Variants in C21orf58 observed in about 807,000 individuals in gnomAD.
C21orf58 encodes the protein chromosome 21 open reading frame 58.
C21orf58 carries 34 observed loss-of-function variants against 35.8 expected under a neutral mutation model. That is an observed-to-expected ratio of 0.95 (90% CI 0.72 to 1.26). The LOEUF (loss-of-function observed/expected upper bound fraction) is 1.26. Ranked by LOEUF, C21orf58 falls within the 50% of genes most tolerant of loss-of-function variation. The pLI is 0.00. For synonymous variants in C21orf58, 191 were observed against 175.8 expected (o/e 1.09, Z -0.68); for missense variants, 440 against 414.3 (o/e 1.06, Z -0.54).
rs568406662 is a variant in C21orf58 at position 46,301,574 on chromosome 21, T to C, written c.*425A>G. ...GGCTAAAGCTATTGATCTTTTCTGT[T>C]CTGGCTCCTGAGCTGAGATTTTCTT... On this transcript the variant is annotated 3_prime_UTR_variant, in exon 8 of 8. Coordinates refer to ENST00000291691, the MANE Select transcript of C21orf58 (RefSeq NM_058180.5). 1 of 995,622 alleles carries C rather than the reference T, an allele frequency of 1.0e-6. No individual in the cohort carries two copies. Among genetic ancestry groups the C allele is most frequent in the South Asian group, 4.7e-5 (1 of 21,406 alleles). The allele number at this position is 995,622 out of a possible 1,614,324, so 61.7% of individuals were successfully genotyped here.
chr21:46,320,070 A>G (rs1176151150), intron 1 of C21orf58, among the ~76,000 whole-genome samples: 3 of 152,088 alleles, frequency 2.0e-5, no homozygotes, highest in Non-Finnish European at 4.4e-5. Flanking sequence ...CACCCTTGAT[A>G]TAAGTGACCT....
chr21:46,307,235 C>T (rs1057380037), intron 6 of C21orf58, among the ~76,000 whole-genome samples: 21 of 152,146 alleles, frequency 1.4e-4, no homozygotes, highest in African/African-American at 4.8e-4. Context: ...TGGTCTCAAG[C>T]TCCTAGGCTC....
intron 4 of C21orf58, 127 bp downstream of exon 4, chr21:46,315,347 C>A: frequency 3.0e-6 from 2 of 676,868 alleles, no homozygotes; most frequent in South Asian, 3.4e-5. Context: ...AGTGTCCTTG[C>A]TGGGGCCTGG....
intron 1 of C21orf58, chr21:46,318,966 GGA>G: frequency 5.5e-6 from 3 of 547,504 alleles, no homozygotes; most frequent in Non-Finnish European, 7.0e-6. Flanking sequence ...CCAGACCTGT[GGA>G]CCCGAGGGGC....
chr21:46,312,909 C>T (rs549767167), intron 5 of C21orf58: 3 of 752,796 alleles, frequency 4.0e-6, no homozygotes, highest in African/African-American at 3.8e-5. Context: ...ATATAGAACA[C>T]GTCATGAAAA....
chr21:46,314,130 A>AGTTTTTTTTTTTT (rs1555930174), intron 5 of C21orf58, among the ~76,000 whole-genome samples: 8 of 52,202 alleles, frequency 1.5e-4, no homozygotes, highest in Non-Finnish European at 3.6e-4. Flanking sequence ...GGCATGATAA[A>AGTTTTTTTTTTTT]GTTTTTTTTT....
intron 6 of C21orf58, among the ~76,000 whole-genome samples, chr21:46,310,405 G>A (rs1356371866): frequency 2.0e-5 from 3 of 151,662 alleles, no homozygotes; most frequent in Non-Finnish European, 2.9e-5. Context: ...CTTGAACCCA[G>A]GAGGTGGAGG....
At chr21:46,308,596 C>T (rs891453817) in intron 6 of C21orf58, among the ~76,000 whole-genome samples, 1 of 152,148 alleles carries the variant, frequency 6.6e-6, no homozygotes, top group Non-Finnish European at 1.5e-5. Flanking sequence ...TAAGCGAAAA[C>T]AAGAAGCAAC....
At position 46,317,199 on chromosome 21, in the gene C21orf58, G is replaced by A. The variant is rs760007702; in HGVS notation, c.370+9C>T. 1.9e-6 allele frequency: 3 copies of A among 1,609,240 alleles called. No homozygotes were observed. Among genetic ancestry groups the A allele is most frequent in the Non-Finnish European group, 2.5e-6 (3 of 1,179,004 alleles). On this transcript the variant is annotated intron_variant, in intron 3 of 7. Transcript: ENST00000291691. Reference sequence around the variant, plus strand: ...CTGTGCTGGTTCCAAGCAGCCCAGGGGCTCTCACCTGGCTCGAGGTGGAGG... The same window carrying A: ...CTGTGCTGGTTCCAAGCAGCCCAGGAGCTCTCACCTGGCTCGAGGTGGAGG...
chr21:46,303,188 T>G (rs2082204890), intron 6 of C21orf58, among the ~76,000 whole-genome samples: 1 of 151,062 alleles, frequency 6.6e-6, no homozygotes, highest in Non-Finnish European at 1.5e-5. Flanking sequence ...AATTAAAACA[T>G]CTAAGCCAGT....
rs1174799678 is a variant in C21orf58 at position 46,321,940 on chromosome 21, G to A, written c.100+699C>T. 3.2e-5 allele frequency among the ~76,000 whole-genome samples: 4 copies of A among 124,738 alleles called. 1 individual carries two copies. Among genetic ancestry groups the A allele is most frequent in the African/African-American group, 3.2e-5 (1 of 31,624 alleles). 81.8% of individuals were successfully genotyped at this position (124,738 alleles called of 152,430 possible). A position where few individuals can be genotyped will look rare whatever the true frequency, so the allele number is the denominator to read the frequency against. ...TTTTTTTGAGTTAGGGTCTCAGTCT[G>A]TCACCCAGGTTGGAGTGCAGTGGTT... On this transcript the variant is annotated intron_variant, in intron 1 of 7. Coordinates refer to ENST00000291691, the MANE Select transcript of C21orf58 (RefSeq NM_058180.5).
chr21:46,312,733 A>C (rs922175721), intron 5 of C21orf58, among the ~76,000 whole-genome samples: 1 of 152,138 alleles, frequency 6.6e-6, no homozygotes, highest in East Asian at 1.9e-4. Context: ...AGTGGCTTTA[A>C]TTTGCATTTC....
chr21:46,303,745 ATTTTTTTTTTT>A (rs869177693), intron 6 of C21orf58, among the ~76,000 whole-genome samples: 35 of 23,810 alleles, frequency 1.5e-3, no homozygotes, highest in African/African-American at 5.0e-3. Context: ...ATATATATAT[ATTTTTTTTTTT>A]TTTTTTTTTT....
At chr21:46,310,838 A>C (rs1211944195) in intron 6 of C21orf58, among the ~76,000 whole-genome samples, 1 of 151,244 alleles carries the variant, frequency 6.6e-6, no homozygotes. Context: ...TAAATAAATA[A>C]ATTTTAAAAA....
chr21:46,321,488 G>C (rs2083154349), intron 1 of C21orf58, among the ~76,000 whole-genome samples: 1 of 152,342 alleles, frequency 6.6e-6, no homozygotes, highest in Non-Finnish European at 1.5e-5. Context: ...ATTACATTGA[G>C]TTATGTGTCT....
chr21:46,314,708 C>T lies in C21orf58; in HGVS notation c.609+8G>A, dbSNP rs1034758733. ...TCTCAGATGTGCTCCTCGACTTCGC[C>T]CTCTTACCGTAGGCAGGATGATCCT... On this transcript the variant is annotated splice_region_variant and intron_variant, in intron 5 of 7. Transcript: ENST00000291691. The T allele has an allele frequency of 2.8e-6, 4 of 1,447,130 alleles. No homozygotes were observed. The highest frequency in any genetic ancestry group is 2.5e-5 in the East Asian group (1 of 39,510). The allele number at this position is 1,447,130 out of a possible 1,614,324, so 89.6% of individuals were successfully genotyped here.
chr21:46,300,767 C>G, downstream of C21orf58: 8 of 1,289,040 alleles, frequency 6.2e-6, no homozygotes, highest in Non-Finnish European at 8.1e-6. Context: ...CCTCCTTGTG[C>G]GGAACTTCAG....
rs1569132883 is a variant in C21orf58 at position 46,314,852 on chromosome 21, C to T, written c.473G>A (p.Arg158Gln). 6 of 1,550,196 alleles carry T rather than the reference C, an allele frequency of 3.9e-6. No individual in the cohort carries two copies. Among genetic ancestry groups the T allele is most frequent in the South Asian group, 1.2e-5 (1 of 84,044 alleles). ...REQHLLDELS[R>Q]AQAWSGPSRG... The stretch of plus-strand genomic sequence containing the variant: ...GCTTGGCCCGCTCCAGGCCTGGGCC[C>T]GAGAGAGCTCGTCCAGGAGGTGTTG... Residue 158 changes from arginine (R) to glutamine (Q), a missense_variant, in exon 5 of 8, where the codon CGG becomes CAG. By Grantham distance (43) the Arg-to-Gln change is conservative. Coordinates refer to ENST00000291691, the MANE Select transcript of C21orf58 (RefSeq NM_058180.5).
At chr21:46,320,142 C>T (rs1435012761) in intron 1 of C21orf58, among the ~76,000 whole-genome samples, 1 of 151,746 alleles carries the variant, frequency 6.6e-6, no homozygotes, top group Non-Finnish European at 1.5e-5. Flanking sequence ...GCTCGTTGCC[C>T]AGGCTGGAGT....
Sources: gnomAD v4.1 joint callset for allele counts (sites outside exome capture counted in the v4.1 genomes callset) on GRCh38, gnomAD v4.1.1 for gene constraint, MANE v1.5 for transcripts, NCBI Gene and HGNC (gene_info 2026-07-23, HGNC 2026-07-21) for gene names.